Variants in DOCK3 observed in about 807,000 individuals in gnomAD.
DOCK3 encodes dedicator of cytokinesis protein 3.
A neutral mutation model predicts 265.6 loss-of-function variants in DOCK3; 60 were observed. The ratio of observed to expected loss-of-function variants is 0.23; its 90% CI spans 0.18 to 0.28. The LOEUF is 0.28. Among genes scored for constraint, DOCK3 ranks in the 10% least tolerant of loss-of-function variants. The pLI is 1.00. For synonymous variants in DOCK3, 881 were observed against 938.0 expected (o/e 0.94, Z 1.11); for missense variants, 1,981 against 2,594.3 (o/e 0.76, Z 5.14).
In DOCK3 at chr3:50,901,790, T is replaced by G. The variant is rs184713185; in HGVS notation, c.218+11709T>G. On this transcript the variant is annotated intron_variant, in intron 4 of 52. Transcript: ENST00000266037. ...CCCTACCCTGCTTCAGCTCTCCCTC[T>G]GTGGGTTGCACCCACTGTCTAACCA... is the stretch of plus-strand genomic sequence containing the variant. 230 of 421,458 alleles carry G rather than the reference T, an allele frequency of 5.5e-4. 1 individual carries two copies. The highest frequency in any genetic ancestry group is 8.4e-4 in the Non-Finnish European group (177 of 209,930). 26.1% of individuals were successfully genotyped at this position (421,458 alleles called of 1,614,324 possible).
At chr3:51,234,322 C>T (rs1254440034) in intron 19 of DOCK3, among the ~76,000 whole-genome samples, 1 of 152,060 alleles carries the variant, frequency 6.6e-6, no homozygotes, top group African/African-American at 2.4e-5. Flanking sequence ...GTCCTTTTTC[C>T]CATCTTTTTG....
intron 5 of DOCK3, among the ~76,000 whole-genome samples, chr3:51,059,264 GC>G (rs144679317): frequency 1.1e-3 from 165 of 152,140 alleles, no homozygotes; most frequent in Middle Eastern, 6.8e-3. Context: ...ATTCACGAGG[GC>G]TTGGCCCTTA....
chr3:51,008,798 A>G (rs2078801149), intron 5 of DOCK3, among the ~76,000 whole-genome samples: 1 of 152,148 alleles, frequency 6.6e-6, no homozygotes. Flanking sequence ...TTCCATCAGT[A>G]TTTAGTTTAT....
At chr3:51,297,935 A>C (rs1342923189) in intron 27 of DOCK3, among the ~76,000 whole-genome samples, 1 of 152,030 alleles carries the variant, frequency 6.6e-6, no homozygotes, top group Admixed American at 6.5e-5. Flanking sequence ...ACAGTGAACT[A>C]TGATTGTGCC....
At chr3:51,073,601 A>T (rs1251383136) in intron 6 of DOCK3, among the ~76,000 whole-genome samples, 1 of 152,232 alleles carries the variant, frequency 6.6e-6, no homozygotes, top group Non-Finnish European at 1.5e-5. Context: ...CATCATGGAT[A>T]AGGCCAACAG....
chr3:50,747,535 T>C (rs2039520934), intron 1 of DOCK3, among the ~76,000 whole-genome samples: 1 of 152,208 alleles, frequency 6.6e-6, no homozygotes, highest in South Asian at 2.1e-4. Context: ...AAGTATTTCA[T>C]AGGTTTTATG....
At position 51,356,099 on chromosome 3, in the gene DOCK3, C is replaced by G. The variant is rs2086341768; in HGVS notation, c.4260C>G (p.Ile1420Met). The change falls in exon 42 of 53, where the codon ATC becomes ATG. Residue 1420 changes from isoleucine to methionine, a missense_variant. Coordinates refer to ENST00000266037, the MANE Select transcript of DOCK3 (RefSeq NM_004947.5). ...TCACTTCCTGCCCAGACTTGCAGAT[C>G]TATGCAGTGACGCCCATTCCAGATT... ...ILQCDAQYLQ[I>M]YAVTPIPDYV... The G allele has an allele frequency of 6.2e-7, 1 of 1,613,860 alleles. No homozygotes were observed. The highest frequency in any genetic ancestry group is 8.5e-7 in the Non-Finnish European group (1 of 1,179,882).
intron 22 of DOCK3, among the ~76,000 whole-genome samples, chr3:51,256,220 G>A (rs2079537396): frequency 6.6e-6 from 1 of 152,186 alleles, no homozygotes; most frequent in African/African-American, 2.4e-5. Context: ...CGCTCACGCT[G>A]GGAGCTGTAG....
At chr3:50,896,731 A>G (rs1001398887) in intron 4 of DOCK3, among the ~76,000 whole-genome samples, 1 of 152,116 alleles carries the variant, frequency 6.6e-6, no homozygotes, top group Non-Finnish European at 1.5e-5. Flanking sequence ...TACCAACACC[A>G]TTTATTAAGT....
chr3:51,131,458 T>C (rs932226400), intron 9 of DOCK3, among the ~76,000 whole-genome samples: 2 of 152,100 alleles, frequency 1.3e-5, no homozygotes, highest in Non-Finnish European at 2.9e-5. Context: ...TGTAGTAGGG[T>C]CCTTCTTTGG....
At chr3:51,139,809 A>G (rs947987290) in intron 9 of DOCK3, among the ~76,000 whole-genome samples, 2 of 152,372 alleles carry the variant, frequency 1.3e-5, no homozygotes, top group South Asian at 4.1e-4. Context: ...GAAGGATGGC[A>G]GTGAGCCAGC....
Position 50,778,743 on chromosome 3 carries a change from C to G in DOCK3, c.106C>G (p.Leu36Val). Reference protein sequence around the residue: ...VLEIGETVQILEKCEGWYRGV... With the variant: ...VLEIGETVQIVEKCEGWYRGV... ...AGAAATAGGAGAAACAGTCCAGATT[C>G]TTGAAAAATGTGAAGGTGAGTATGG... Residue 36 changes from leucine to valine, a missense_variant, in exon 2 of 53, where the codon CTT (leucine) becomes GTT (valine). Leu to Val is a conservative substitution (Grantham distance 32). Around this residue, in one of 4 missense-constraint regions of DOCK3, gnomAD observed 456 missense variants for 539.0 expected, o/e 0.85. Coordinates refer to ENST00000266037, the MANE Select transcript of DOCK3 (RefSeq NM_004947.5). The G allele has an allele frequency of 6.3e-7, 1 of 1,580,710 alleles. No individual in the cohort carries two copies. Among genetic ancestry groups the G allele is most frequent in the Non-Finnish European group, 8.6e-7 (1 of 1,161,920 alleles).
At chr3:50,960,271 T>G (rs6763779) in intron 5 of DOCK3, among the ~76,000 whole-genome samples, 14,434 of 152,206 alleles carry the variant, frequency 0.095, 844 homozygotes, top group Non-Finnish European at 0.12. Context: ...TAAAGAAACT[T>G]TCAAAATGTT....
chr3:50,973,536 CATT>C (rs1379437916), intron 5 of DOCK3, among the ~76,000 whole-genome samples: 2 of 144,648 alleles, frequency 1.4e-5, no homozygotes, highest in Non-Finnish European at 1.5e-5. Context: ...TCCAGTCTAT[CATT>C]GTTGGACATT....
At chr3:50,726,774 A>G (rs2037857440) in intron 1 of DOCK3, among the ~76,000 whole-genome samples, 1 of 152,300 alleles carries the variant, frequency 6.6e-6, no homozygotes, top group Non-Finnish European at 1.5e-5. Flanking sequence ...CAACAACAGC[A>G]AACTCTGGGG....
intron 10 of DOCK3, among the ~76,000 whole-genome samples, chr3:51,148,006 C>T (rs1009020589): frequency 4.6e-5 from 7 of 152,096 alleles, no homozygotes; most frequent in Non-Finnish European, 1.0e-4. Flanking sequence ...GCACCTGTTG[C>T]TTCCTGACTT....
chr3:51,171,572 C>T (rs961850210), intron 12 of DOCK3, among the ~76,000 whole-genome samples: 3 of 151,858 alleles, frequency 2.0e-5, no homozygotes, highest in African/African-American at 7.3e-5. Context: ...GAAAAATTAG[C>T]GGAGTGTGGT....
Position 50,846,226 on chromosome 3 carries a change from CAG to C in DOCK3, c.162+4512_162+4513del, listed in dbSNP as rs1009630666. ...GGCCAAGGAGAACATTTTTTAAAAA[CAG>C]GGGTAATTAATGGTTTCAGGTACTG... On this transcript the variant is annotated intron_variant, in intron 3 of 52. Transcript: ENST00000266037. 7.2e-5 allele frequency among the ~76,000 whole-genome samples: 11 copies of C among 152,218 alleles called. 1 individual carries two copies. Among genetic ancestry groups the C allele is most frequent in the Admixed American group, 3.3e-4 (5 of 15,294 alleles).
rs2084860915 is a variant in DOCK3 at position 51,137,528 on chromosome 3, C to A, written c.747-9021C>A. On this transcript the variant is annotated intron_variant, in intron 9 of 52. Transcript: ENST00000266037. ...TGGGCTGATACCTCATTGGCAGTCA[C>A]CAAACATTTGTTGAAGGGATGCATG... 2.0e-5 allele frequency among the ~76,000 whole-genome samples: 3 copies of A among 152,212 alleles called. No homozygotes were observed. In the South Asian group the frequency reaches 6.2e-4, roughly 32 times the overall value.
Sources: allele counts gnomAD v4.1 joint callset (sites outside exome capture counted in the v4.1 genomes callset), GRCh38; gene constraint gnomAD v4.1.1; regional missense constraint gnomAD v4.1.1; transcripts MANE v1.5; gene names NCBI Gene and HGNC (gene_info 2026-07-23, HGNC 2026-07-21).